QKI: variants seen among roughly 807,000 people sequenced by gnomAD.
QKI encodes KH domain-containing RNA-binding protein QKI.
In QKI, 10 loss-of-function variants were observed where a neutral mutation model predicts 39.0. The observed-to-expected ratio is 0.26, with a 90% CI of 0.16 to 0.43. QKI has a LOEUF of 0.43. Ranked by LOEUF, QKI falls within the 20% of genes least tolerant of loss-of-function variation. The pLI is 1.00. For missense variants in QKI, 218 were observed against 428.0 expected, an observed-to-expected ratio of 0.51 and a Z score of 4.33; for synonymous variants, 204 against 155.4, an observed-to-expected ratio of 1.31 and a Z score of -2.33.
At chr6:163,526,042 G>C (rs1438728971) in intron 3 of QKI, among the ~76,000 whole-genome samples, 1 of 152,174 alleles carries the variant, frequency 6.6e-6, no homozygotes, top group Non-Finnish European at 1.5e-5. Flanking sequence ...TTATTAGAAA[G>C]TCTGTGCTGA....
At position 163,531,084 on chromosome 6, in the gene QKI, A is replaced by G. The variant is rs181234958; in HGVS notation, c.403-3898A>G. Among the ~76,000 whole-genome samples, 9 of 152,086 alleles carry G rather than the reference A, an allele frequency of 5.9e-5. No homozygotes were observed. In the East Asian group the frequency reaches 1.7e-3, roughly 29 times the overall value. On this transcript the variant is annotated intron_variant, in intron 3 of 7. Transcript: ENST00000361752. ...TCCTCAGTTTGTCTTCCAACCTTCTATCAAATTTTTCATCTTTGCTCTCAT... is the reference window on the plus strand; with the variant it reads ...TCCTCAGTTTGTCTTCCAACCTTCTGTCAAATTTTTCATCTTTGCTCTCAT...
chr6:163,494,466 A>G (rs1778272042), intron 3 of QKI, among the ~76,000 whole-genome samples: 1 of 152,196 alleles, frequency 6.6e-6, no homozygotes, highest in African/African-American at 2.4e-5. Flanking sequence ...TAACCCTCAA[A>G]TCATTACTGG....
At position 163,494,579 on chromosome 6, in the gene QKI, C is replaced by T. The variant is rs117765914; in HGVS notation, c.402+15683C>T. ...TGAGATAGAACAAGATGACACACCA[C>T]CACCTTTTTACTTCAGTTCATACAC... On this transcript the variant is annotated intron_variant, in intron 3 of 7. Transcript: ENST00000361752. Among the ~76,000 whole-genome samples, 1,414 of 152,202 alleles carry T rather than the reference C, an allele frequency of 9.3e-3. 7 individuals are homozygous for T. The highest frequency in any genetic ancestry group is 0.02 in the Middle Eastern group (6 of 294).
intron 4 of QKI, among the ~76,000 whole-genome samples, chr6:163,553,061 TTTTTATTTATTTATTTATTTATTTA>T (rs1782353670): frequency 7.7e-6 from 1 of 129,552 alleles, no homozygotes; most frequent in African/African-American, 2.9e-5. Context: ...TTTTTTTTAA[TTTTTATTTATTTATTTATTTATTTA>T]TTTATTTATT....
intron 3 of QKI, among the ~76,000 whole-genome samples, chr6:163,524,549 A>G (rs1051123618): frequency 1.6e-4 from 25 of 151,812 alleles, no homozygotes; most frequent in African/African-American, 5.8e-4. Context: ...GCTCACCGCA[A>G]CCTCCACCTC....
chr6:163,476,449 C>T (rs540186165), intron 2 of QKI, among the ~76,000 whole-genome samples: 1 of 152,058 alleles, frequency 6.6e-6, no homozygotes, highest in Non-Finnish European at 1.5e-5. Flanking sequence ...GAATTAGGAG[C>T]TTGTGTTCAT....
chr6:163,477,418 G>A (rs1792709300), intron 2 of QKI, among the ~76,000 whole-genome samples: 1 of 152,140 alleles, frequency 6.6e-6, no homozygotes, highest in African/African-American at 2.4e-5. Flanking sequence ...TATACTACTT[G>A]AGTTTATTTA....
chr6:163,566,044 G>A (rs924771280), intron 6 of QKI: 25 of 1,579,274 alleles, frequency 1.6e-5, no homozygotes, highest in African/African-American at 4.1e-5. Flanking sequence ...AGCAGCCTCC[G>A]GGGGAAAAAA....
At chr6:163,420,862 T>C (rs1176756937) in intron 1 of QKI, among the ~76,000 whole-genome samples, 1 of 152,222 alleles carries the variant, frequency 6.6e-6, no homozygotes, top group Non-Finnish European at 1.5e-5. Context: ...AACCCCAGTC[T>C]GTGTTAGGTA....
At chr6:163,479,890 TG>T (rs2128225751) in intron 3 of QKI, among the ~76,000 whole-genome samples, 1 of 152,328 alleles carries the variant, frequency 6.6e-6, no homozygotes, top group African/African-American at 2.4e-5. Flanking sequence ...GTCAGATCAC[TG>T]GGAGAGTTAG....
At chr6:163,506,136 C>A (rs1779081319) in intron 3 of QKI, among the ~76,000 whole-genome samples, 2 of 151,158 alleles carry the variant, frequency 1.3e-5, no homozygotes, top group African/African-American at 4.9e-5. Context: ...GTTTCTGAGG[C>A]CTCTCCAGCC....
At position 163,577,352 on chromosome 6, in the gene QKI, CT is replaced by C. The variant is rs1274563020; in HGVS notation, c.*6647del. ...TTGGTTTGGCTTATACGGTGTTTTG[CT>C]TTTTAAACTACTTGCCATAATTTAA... On this transcript the variant is annotated 3_prime_UTR_variant, in exon 8 of 8. Transcript: ENST00000361752. The C allele has an allele frequency of 6.6e-6, 1 of 151,634 alleles. No individual in the cohort carries two copies. The allele number at this position is 151,634 out of a possible 1,614,324, so 9.4% of individuals were successfully genotyped here.
chr6:163,540,142 T>C (rs566955083), intron 4 of QKI, among the ~76,000 whole-genome samples: 14 of 152,192 alleles, frequency 9.2e-5, no homozygotes, highest in African/African-American at 3.4e-4. Context: ...AGTTCTTTTT[T>C]AGAAAGACAA....
intron 4 of QKI, among the ~76,000 whole-genome samples, chr6:163,556,832 G>A (rs1782660916): frequency 6.6e-6 from 1 of 152,148 alleles, no homozygotes; most frequent in African/African-American, 2.4e-5. Flanking sequence ...ACAGGTTTTA[G>A]CTATTAGCAG....
chr6:163,497,327 G>A (rs564526887), intron 3 of QKI, among the ~76,000 whole-genome samples: 41 of 151,912 alleles, frequency 2.7e-4, no homozygotes, highest in African/African-American at 8.0e-4. Flanking sequence ...TGGAAATTTC[G>A]CTCTTTATCA....
chr6:163,449,198 G>T (rs74450455), intron 1 of QKI, among the ~76,000 whole-genome samples: 4,240 of 152,234 alleles, frequency 0.028, 193 homozygotes, highest in African/African-American at 0.096. Context: ...TTAAGCTTCA[G>T]ATGAAAGCAG....
intron 3 of QKI, among the ~76,000 whole-genome samples, chr6:163,488,680 C>A (rs536733975): frequency 6.6e-6 from 1 of 152,242 alleles, no homozygotes; most frequent in Non-Finnish European, 1.5e-5. Context: ...CCACTAGATA[C>A]AAGTTACCAT....
intron 5 of QKI, 103 bp from the exon 6 acceptor site, chr6:163,563,314 TTTC>T (rs1783145661): frequency 1.9e-5 from 21 of 1,096,648 alleles, no homozygotes; most frequent in Non-Finnish European, 2.6e-5. Flanking sequence ...TCCTTTTATT[TTTC>T]TTCTTTCCTG....
chr6:163,560,674 T>G (rs1782938489), intron 4 of QKI, among the ~76,000 whole-genome samples: 1 of 152,192 alleles, frequency 6.6e-6, no homozygotes, highest in South Asian at 2.1e-4. Context: ...TGAGAGGATA[T>G]TTTGGGACCA....
Sources: allele counts gnomAD v4.1 joint callset (sites outside exome capture counted in the v4.1 genomes callset), GRCh38; gene constraint gnomAD v4.1.1; transcripts MANE v1.5; gene names NCBI Gene and HGNC (gene_info 2026-07-23, HGNC 2026-07-21).